The following ARFGEF3 variants were observed in gnomAD, a reference collection of about 807,000 sequenced individuals.
ARFGEF3 encodes the protein brefeldin A-inhibited guanine nucleotide-exchange protein 3.
In ARFGEF3, 96 loss-of-function variants were observed where a neutral mutation model predicts 221.7. That is an observed-to-expected ratio of 0.43 (90% CI 0.37 to 0.51). The LOEUF (loss-of-function observed/expected upper bound fraction) is 0.51. Ranked by LOEUF, ARFGEF3 falls within the 20% of genes least tolerant of loss-of-function variation. The pLI, the probability that ARFGEF3 is intolerant of heterozygous loss-of-function variation, is 0.00. For missense variants in ARFGEF3, 2,410 were observed against 2,789.9 expected (o/e 0.86, Z 3.07); for synonymous variants, 1,145 against 1,126.8 (o/e 1.02, Z -0.32).
chr6:138,207,943 C>A (rs1777653785), intron 3 of ARFGEF3, among the ~76,000 whole-genome samples: 1 of 152,098 alleles, frequency 6.6e-6, no homozygotes, highest in Admixed American at 6.5e-5. Context: ...CTTTTTCCCC[C>A]AGCAGATTGG....
intron 2 of ARFGEF3, among the ~76,000 whole-genome samples, chr6:138,206,405 C>T (rs932105769): frequency 2.7e-4 from 40 of 146,068 alleles, no homozygotes; most frequent in African/African-American, 9.8e-4. Context: ...CACCTCTTAT[C>T]GGCCAATGCT....
chr6:138,259,871 G>GCTGC (rs1032434439), intron 10 of ARFGEF3, among the ~76,000 whole-genome samples: 1 of 152,082 alleles, frequency 6.6e-6, no homozygotes, highest in African/African-American at 2.4e-5. Flanking sequence ...CCAAGATTGT[G>GCTGC]CTGCTGTACT....
intron 32 of ARFGEF3, among the ~76,000 whole-genome samples, chr6:138,333,201 G>A (rs1780257794): frequency 6.6e-6 from 1 of 152,156 alleles, no homozygotes; most frequent in South Asian, 2.1e-4. Context: ...TACAGGTTGA[G>A]CATCCCTAAC....
chr6:138,316,573 T>C (rs534852604), intron 26 of ARFGEF3, among the ~76,000 whole-genome samples: 3 of 152,350 alleles, frequency 2.0e-5, no homozygotes, highest in East Asian at 1.9e-4. Flanking sequence ...TCTTTCTCCA[T>C]AGGTTAAGGC....
At position 138,263,474 on chromosome 6, in the gene ARFGEF3, A is replaced by G; in HGVS notation, c.1991A>G (p.Lys664Arg). 1 of 1,613,982 alleles carries G rather than the reference A, an allele frequency of 6.2e-7. No homozygotes were observed. Among genetic ancestry groups the G allele is most frequent in the South Asian group, 1.1e-5 (1 of 91,086 alleles). The change falls in exon 12 of 34, where the codon AAG becomes AGG. Residue 664 changes from lysine to arginine, a missense_variant. Transcript: ENST00000251691. ...GCCGCCCTGTCTCTAAAACTGCTGA[A>G]GAACCAGGAGGCGGATCAGCACAGC... ...RTAALSLKLL[K>R]NQEADQHSAR...
At chr6:138,243,623 C>CT (rs1226310288) in intron 7 of ARFGEF3, among the ~76,000 whole-genome samples, 1 of 151,964 alleles carries the variant, frequency 6.6e-6, no homozygotes, top group Non-Finnish European at 1.5e-5. Flanking sequence ...GAAATTTAGA[C>CT]TTTGTTCAGT....
chr6:138,253,059 A>T (rs1260517303), intron 8 of ARFGEF3, among the ~76,000 whole-genome samples: 5 of 152,238 alleles, frequency 3.3e-5, no homozygotes. Flanking sequence ...AAAGAAGAAA[A>T]GTCTAATGCA....
chr6:138,284,824 A>G (rs1274010554), intron 14 of ARFGEF3, among the ~76,000 whole-genome samples: 3 of 152,246 alleles, frequency 2.0e-5, no homozygotes, highest in Non-Finnish European at 4.4e-5. Flanking sequence ...CAATTTTGTC[A>G]TTATGTGACC....
intron 31 of ARFGEF3, among the ~76,000 whole-genome samples, chr6:138,327,217 A>G (rs1004073343): frequency 6.6e-6 from 1 of 152,200 alleles, no homozygotes; most frequent in Non-Finnish European, 1.5e-5. Context: ...ATGTTTACCT[A>G]TGTAAGAAAC....
chr6:138,295,140 A>G (rs1163995930), intron 20 of ARFGEF3, among the ~76,000 whole-genome samples: 1 of 152,138 alleles, frequency 6.6e-6, no homozygotes, highest in East Asian at 1.9e-4. Flanking sequence ...AAAGAACACA[A>G]TGAGCAGGGG....
In ARFGEF3 at chr6:138,343,453, G is replaced by T. The variant is rs1025905819; in HGVS notation, c.*6967G>T. 9.9e-5 allele frequency: 15 copies of T among 151,354 alleles called. No homozygotes were observed. The highest frequency in any genetic ancestry group is 4.6e-4 in the Admixed American group (7 of 15,200). The allele number at this position is 151,354 out of a possible 1,614,324, so 9.4% of individuals were successfully genotyped here. ...TTTTTGCCTCTGTGGATGGAAATAA[G>T]GGTGTTTTTTTTTGGTTTTTTTTTT... On this transcript the variant is annotated 3_prime_UTR_variant, in exon 34 of 34. Coordinates refer to ENST00000251691, the MANE Select transcript of ARFGEF3 (RefSeq NM_020340.5).
intron 22 of ARFGEF3, among the ~76,000 whole-genome samples, chr6:138,306,307 T>C (rs962943619): frequency 6.6e-6 from 1 of 152,156 alleles, no homozygotes; most frequent in African/African-American, 2.4e-5. Flanking sequence ...CTGAGAGAAA[T>C]TAAAGAAGAT....
intron 12 of ARFGEF3, among the ~76,000 whole-genome samples, chr6:138,270,277 T>C (rs962911734): frequency 1.3e-5 from 2 of 152,206 alleles, no homozygotes; most frequent in African/African-American, 4.8e-5. Context: ...AAAAACCAAC[T>C]ATGGATTCAG....
intron 4 of ARFGEF3, among the ~76,000 whole-genome samples, chr6:138,225,175 C>G (rs1425952797): frequency 6.6e-6 from 1 of 152,248 alleles, no homozygotes; most frequent in Non-Finnish European, 1.5e-5. Flanking sequence ...TGTTTTCTCT[C>G]TCTGACTTCC....
intron 12 of ARFGEF3, among the ~76,000 whole-genome samples, chr6:138,264,974 G>C (rs914758809): frequency 1.3e-5 from 2 of 150,746 alleles, no homozygotes; most frequent in Non-Finnish European, 2.9e-5. Flanking sequence ...TGCAATCTCG[G>C]CTCACTGCAA....
In ARFGEF3 at chr6:138,255,574, A is replaced by C. The variant is rs372494956; in HGVS notation, c.909A>C (p.Arg303=). Residue 303 remains arginine, a synonymous_variant, in exon 10 of 34, where the codon CGA becomes CGC. Transcript: ENST00000251691. ...CTCCGGGAGTGTCTGACCACGGCCGAGGATCAGGCTGCTCCTGCACTGCGC... is the reference window on the plus strand; with the variant it reads ...CTCCGGGAGTGTCTGACCACGGCCGCGGATCAGGCTGCTCCTGCACTGCGC... ...SASPGVSDHG[R]GSGCSCTAPA... The C allele has an allele frequency of 6.2e-7, 1 of 1,613,998 alleles. No individual in the cohort carries two copies. Among genetic ancestry groups the C allele is most frequent in the Admixed American group, 1.7e-5 (1 of 60,026 alleles).
At chr6:138,230,200 A>C (rs1270415797) in intron 5 of ARFGEF3, among the ~76,000 whole-genome samples, 1 of 152,312 alleles carries the variant, frequency 6.6e-6, no homozygotes, top group East Asian at 1.9e-4. Context: ...TTAAAAAAAT[A>C]GTTTTTAAGA....
chr6:138,226,792 GAATT>G (rs1334092527), intron 4 of ARFGEF3, among the ~76,000 whole-genome samples: 5 of 152,088 alleles, frequency 3.3e-5, no homozygotes, highest in Admixed American at 1.3e-4. Flanking sequence ...TTAATCCGGC[GAATT>G]AATACATGCT....
chr6:138,263,777 G>A (rs1001497862), intron 12 of ARFGEF3, among the ~76,000 whole-genome samples, 166 bp downstream of exon 12: 1 of 152,218 alleles, frequency 6.6e-6, no homozygotes, highest in Non-Finnish European at 1.5e-5. Context: ...CCTATTAGTG[G>A]TGGTTTATTT....
Sources: gnomAD v4.1 joint callset for allele counts (sites outside exome capture counted in the v4.1 genomes callset) on GRCh38, gnomAD v4.1.1 for gene constraint, MANE v1.5 for transcripts, NCBI Gene and HGNC (gene_info 2026-07-23, HGNC 2026-07-21) for gene names.